RTN3: variants seen among roughly 807,000 people sequenced by gnomAD.
RTN3 encodes reticulon-3.
A neutral mutation model predicts 77.8 loss-of-function variants in RTN3; 49 were observed. The observed-to-expected ratio is 0.63, with a 90% CI of 0.50 to 0.80. RTN3 has a LOEUF of 0.80. Among genes scored for constraint, RTN3 ranks in the 30% least tolerant of loss-of-function variants. The pLI is 0.00. For missense variants in RTN3, 1,236 were observed against 1,211.9 expected (o/e 1.02, Z -0.29); for synonymous variants, 464 against 446.9 (o/e 1.04, Z -0.48).
rs576254372 is a variant in RTN3, at chr11:63,685,153, T to A, written c.142+3375T>A. 1.4e-4 allele frequency among the ~76,000 whole-genome samples: 21 copies of A among 152,214 alleles called. No individual in the cohort carries two copies. The South Asian group carries it at 3.3e-3, about 24-fold the overall frequency. On this transcript the variant is annotated intron_variant, in intron 1 of 8. Coordinates refer to ENST00000377819, the MANE Select transcript of RTN3 (RefSeq NM_001265589.2). ...CAGTTTTGGTGGGCCCAATGCAAGA[T>A]CCTCATTTGTTGGGTCACTACTTGA...
intron 4 of RTN3, among the ~76,000 whole-genome samples, chr11:63,752,020 G>A (rs1396457913): frequency 6.6e-6 from 1 of 151,754 alleles, no homozygotes; most frequent in African/African-American, 2.4e-5. Context: ...AAAACCCCCA[G>A]TACCCTGTTT....
rs2011694746 is a variant in RTN3, at chr11:63,720,555, A to G, written c.2053A>G (p.Lys685Glu). 6.2e-7 allele frequency: 1 copy of G among 1,614,058 alleles called. No individual in the cohort carries two copies. The change falls in exon 3 of 9, where the codon AAA (lysine) becomes GAA (glutamate). Residue 685 changes from lysine (K) to glutamate (E), a missense_variant. By Grantham distance (56) the Lys-to-Glu change is moderately conservative. Coordinates refer to ENST00000377819, the MANE Select transcript of RTN3 (RefSeq NM_001265589.2). ...KAISEKMTDF[K>E]TTPPVEVLHE... ...AATATCAGAGAAGATGACAGACTTT[A>G]AAACAACTCCTCCTGTAGAAGTCTT... is the stretch of plus-strand genomic sequence containing the variant.
chr11:63,749,018 A>G (rs1325751985), intron 3 of RTN3, among the ~76,000 whole-genome samples: 1 of 151,968 alleles, frequency 6.6e-6, no homozygotes. Flanking sequence ...ATGGTGGCTC[A>G]TGCCTGTAAT....
At chr11:63,706,321 C>T (rs1298214822) in intron 2 of RTN3, among the ~76,000 whole-genome samples, 1 of 152,154 alleles carries the variant, frequency 6.6e-6, no homozygotes, top group Non-Finnish European at 1.5e-5. Context: ...TTCTGAGTAG[C>T]TGGGACTACA....
chr11:63,710,949 C>G (rs908374534), intron 2 of RTN3, among the ~76,000 whole-genome samples: 76 of 152,076 alleles, frequency 5.0e-4, no homozygotes, highest in African/African-American at 1.8e-3. Flanking sequence ...TTTGACCCTG[C>G]TGGTGGTAAA....
In RTN3 at chr11:63,718,916, C is replaced by T. The variant is rs923921190; in HGVS notation, c.414C>T (p.Asn138=). ...TGGAAAAGCCTCAGGGGACCAGCAA[C>T]AACGTATCAGACTCTTCAGTTTCTC... ...KKMEKPQGTS[N]NVSDSSVSLA... The change falls in exon 3 of 9, where the codon AAC becomes AAT. Residue 138 remains asparagine, a synonymous_variant. Transcript: ENST00000377819. 1 of 1,614,200 alleles carries T rather than the reference C, an allele frequency of 6.2e-7. No individual in the cohort carries two copies. Among genetic ancestry groups the T allele is most frequent in the East Asian group, 2.2e-5 (1 of 44,886 alleles).
chr11:63,706,115 T>G (rs1274498724), intron 2 of RTN3, among the ~76,000 whole-genome samples: 1 of 152,188 alleles, frequency 6.6e-6, no homozygotes, highest in African/African-American at 2.4e-5. Context: ...TTTAAAAAAA[T>G]TAGTAAAACT....
chr11:63,728,849 T>C (rs1300612101), intron 3 of RTN3, among the ~76,000 whole-genome samples: 7 of 142,518 alleles, frequency 4.9e-5, no homozygotes, highest in African/African-American at 1.9e-4. Flanking sequence ...ATTGCGCCAC[T>C]GCACTCCAGC....
intron 3 of RTN3, among the ~76,000 whole-genome samples, chr11:63,733,766 C>T (rs2012868546): frequency 6.6e-6 from 1 of 151,434 alleles, no homozygotes; most frequent in Admixed American, 6.6e-5. Flanking sequence ...TGGTGTGTGT[C>T]TGTAGTCCCA....
At chr11:63,753,879 A>G (rs1307681306) in intron 7 of RTN3, among the ~76,000 whole-genome samples, 171 bp downstream of exon 7, 1 of 152,244 alleles carries the variant, frequency 6.6e-6, no homozygotes, top group African/African-American at 2.4e-5. Context: ...CTCCAAGGAG[A>G]GAAACTGGAT....
At chr11:63,747,452 A>G (rs1029119523) in intron 3 of RTN3, among the ~76,000 whole-genome samples, 8 of 152,176 alleles carry the variant, frequency 5.3e-5, no homozygotes, top group African/African-American at 2.4e-5. Context: ...TCTCCTTTGC[A>G]GCATCACTAT....
intron 1 of RTN3, among the ~76,000 whole-genome samples, chr11:63,703,083 T>C (rs1942325211): frequency 1.3e-5 from 2 of 152,246 alleles, no homozygotes; most frequent in South Asian, 4.1e-4. Context: ...TTCAACCAAT[T>C]GTGGACCAAA....
chr11:63,683,313 A>T (rs79447091), intron 1 of RTN3, among the ~76,000 whole-genome samples: 2,076 of 152,284 alleles, frequency 0.014, 23 homozygotes, highest in Non-Finnish European at 0.022. Flanking sequence ...CTTCCTTATA[A>T]CTTAGCAACT....
At chr11:63,695,019 C>T (rs1039217052) in intron 1 of RTN3, among the ~76,000 whole-genome samples, 1 of 152,144 alleles carries the variant, frequency 6.6e-6, no homozygotes, top group East Asian at 1.9e-4. Context: ...TGTCCAGTTA[C>T]TAGTTACTAC....
chr11:63,706,902 T>C (rs1942522305), intron 2 of RTN3, among the ~76,000 whole-genome samples: 4 of 101,046 alleles, frequency 4.0e-5, no homozygotes, highest in Admixed American at 3.5e-4. Flanking sequence ...TTCTTTTTTC[T>C]TTTTTTTTTT....
intron 3 of RTN3, among the ~76,000 whole-genome samples, chr11:63,728,896 A>T (rs1444222638): frequency 1.3e-5 from 2 of 148,230 alleles, no homozygotes; most frequent in Non-Finnish European, 3.0e-5. Flanking sequence ...CAAAAAAAAA[A>T]AAAAAAGAAA....
chr11:63,722,181 T>C (rs1358641005), intron 3 of RTN3, among the ~76,000 whole-genome samples: 1 of 152,186 alleles, frequency 6.6e-6, no homozygotes, highest in African/African-American at 2.4e-5. Flanking sequence ...TTACATCTAC[T>C]GTATGGTCAG....
At chr11:63,695,072 T>TAA (rs994319094) in intron 1 of RTN3, among the ~76,000 whole-genome samples, 5 of 152,190 alleles carry the variant, frequency 3.3e-5, no homozygotes, top group African/African-American at 1.2e-4. Context: ...AAAAATCTCT[T>TAA]AGAGTTTGGG....
chr11:63,704,466 G>A (rs1260561006), intron 1 of RTN3, among the ~76,000 whole-genome samples: 2 of 152,068 alleles, frequency 1.3e-5, no homozygotes, highest in African/African-American at 2.4e-5. Flanking sequence ...ATGCATCCAG[G>A]AATGGTTAAA....
Sources: allele counts gnomAD v4.1 joint callset (sites outside exome capture counted in the v4.1 genomes callset), GRCh38; gene constraint gnomAD v4.1.1; transcripts MANE v1.5; gene names NCBI Gene and HGNC (gene_info 2026-07-23, HGNC 2026-07-21).